Variants in GARIN3 observed in about 807,000 individuals in gnomAD.
GARIN3 encodes the protein Golgi-associated RAB2 interactor protein 3.
chr5:157,162,873 C>A, the GARIN3 span: 1 of 1,614,144 alleles, frequency 6.2e-7, no homozygotes, highest in Admixed American at 1.7e-5. Context: ...GGTGGGAAGA[C>A]GCTTTCTGAT....
the GARIN3 span, among the ~76,000 whole-genome samples, chr5:157,165,328 A>G: frequency 6.6e-6 from 1 of 152,208 alleles, no homozygotes; most frequent in African/African-American, 2.4e-5. Flanking sequence ...CCTGGGTGTG[A>G]GACCAGAGTA....
At chr5:157,162,904 C>T in the GARIN3 span, 34 of 1,614,182 alleles carry the variant, frequency 2.1e-5, 1 homozygote, top group Admixed American at 3.5e-4. Flanking sequence ...CGCTCTCCTG[C>T]GGTGACTTTC....
At chr5:157,163,492 G>C in the GARIN3 span, 1 of 1,614,170 alleles carries the variant, frequency 6.2e-7, no homozygotes, top group South Asian at 1.1e-5. Flanking sequence ...TCCTCCTTCA[G>C]CAGCCCCTGG....
the GARIN3 span, among the ~76,000 whole-genome samples, chr5:157,165,299 G>T: frequency 6.6e-6 from 1 of 152,182 alleles, no homozygotes; most frequent in Non-Finnish European, 1.5e-5. Context: ...GATCAGGATG[G>T]TGTAGAAAGG....
the GARIN3 span, among the ~76,000 whole-genome samples, chr5:157,164,892 T>C: frequency 1.3e-5 from 2 of 151,200 alleles, no homozygotes; most frequent in Non-Finnish European, 2.9e-5. Context: ...TGGTGGCAGG[T>C]GCCTGTAATC....
chr5:157,165,173 C>T, the GARIN3 span, among the ~76,000 whole-genome samples: 1 of 152,154 alleles, frequency 6.6e-6, no homozygotes, highest in Non-Finnish European at 1.5e-5. Context: ...CACCAGTATG[C>T]AATATAGTCA....
the GARIN3 span, among the ~76,000 whole-genome samples, chr5:157,164,058 T>C: frequency 6.6e-6 from 1 of 150,968 alleles, no homozygotes; most frequent in Non-Finnish European, 1.5e-5. Flanking sequence ...TGAGACACTG[T>C]TTAAAAAAAA....
the GARIN3 span, among the ~76,000 whole-genome samples, chr5:157,165,061 C>T: frequency 6.6e-6 from 1 of 152,096 alleles, no homozygotes; most frequent in East Asian, 1.9e-4. Context: ...TCCAGTTGCA[C>T]ATTGGAGACT....
chr5:157,165,878 T>C, the GARIN3 span: 4 of 1,614,168 alleles, frequency 2.5e-6, no homozygotes, highest in Non-Finnish European at 3.4e-6. Context: ...TGACATGCTG[T>C]TCACAGATTT....
the GARIN3 span, among the ~76,000 whole-genome samples, chr5:157,164,235 C>T: frequency 3.3e-5 from 5 of 150,674 alleles, no homozygotes; most frequent in African/African-American, 4.9e-5. Flanking sequence ...CTGCAATCTC[C>T]GCCTCCCAGG....
chr5:157,163,329 C>T, the GARIN3 span: 15 of 1,614,118 alleles, frequency 9.3e-6, no homozygotes, highest in African/African-American at 1.1e-4. Flanking sequence ...CTCCCGCCAG[C>T]GCTGTGGTCA....
At chr5:157,163,191 G>A in the GARIN3 span, 3 of 1,614,132 alleles carry the variant, frequency 1.9e-6, no homozygotes, top group Non-Finnish European at 2.5e-6. Flanking sequence ...CCGCCATCGA[G>A]GTGGAAGTAC....
chr5:157,162,346 G>A, the GARIN3 span: 20 of 1,474,912 alleles, frequency 1.4e-5, no homozygotes, highest in Non-Finnish European at 1.6e-5. Context: ...TTTTGGAGTT[G>A]TACGATTTCC....
At chr5:157,162,740 A>T in the GARIN3 span, 1 of 1,613,102 alleles carries the variant, frequency 6.2e-7, no homozygotes, top group Non-Finnish European at 8.5e-7. Flanking sequence ...GTTGTTCTCG[A>T]CTCCTTTTTG....
chr5:157,163,669 G>C, the GARIN3 span: 14 of 1,605,350 alleles, frequency 8.7e-6, no homozygotes, highest in Admixed American at 1.7e-4. Flanking sequence ...CTATACCAAG[G>C]GGAAGAGAAA....
At chr5:157,162,763 G>C in the GARIN3 span, 1 of 1,614,198 alleles carries the variant, frequency 6.2e-7, no homozygotes, top group East Asian at 2.2e-5. Flanking sequence ...GGAGCTGTGG[G>C]TGGAGCTCTT....
At chr5:157,163,242 A>C in the GARIN3 span, 2 of 1,614,122 alleles carry the variant, frequency 1.2e-6, no homozygotes, top group Non-Finnish European at 1.7e-6. Flanking sequence ...AGGCCAAGCT[A>C]ATACCCTCTG....
chr5:157,164,146 CTTTTTTTTT>C, the GARIN3 span, among the ~76,000 whole-genome samples: 1 of 127,220 alleles, frequency 7.9e-6, no homozygotes, highest in Non-Finnish European at 1.7e-5. Flanking sequence ...AGTCTTTTGT[CTTTTTTTTT>C]TTTTTTTTTT....
the GARIN3 span, chr5:157,162,719 C>T: frequency 6.2e-7 from 1 of 1,614,222 alleles, no homozygotes; most frequent in South Asian, 1.1e-5. Context: ...TGGTTCTTCC[C>T]CAGTTCCTGA....
Sources: allele counts gnomAD v4.1 joint callset (sites outside exome capture counted in the v4.1 genomes callset), GRCh38; gene constraint gnomAD v4.1.1; transcripts MANE v1.5; gene names NCBI Gene and HGNC (gene_info 2026-07-23, HGNC 2026-07-21).